Variants in CACNA1E observed in about 807,000 individuals in gnomAD.
CACNA1E encodes voltage-dependent R-type calcium channel subunit alpha-1E.
In CACNA1E, 40 loss-of-function variants were observed where a neutral mutation model predicts 259.2. That is an observed-to-expected ratio of 0.15 (90% confidence interval 0.12 to 0.20). CACNA1E has a LOEUF of 0.20. Among genes scored for constraint, CACNA1E ranks in the 10% least tolerant of loss-of-function variants. The pLI, the probability that CACNA1E is intolerant of heterozygous loss-of-function variation, is 1.00. For synonymous variants in CACNA1E, 1,104 were observed against 1,138.5 expected (o/e 0.97, Z 0.61); for missense variants, 1,874 against 3,040.1 (o/e 0.62, Z 9.02).
chr1:181,641,036 T>A (rs759993811), intron 6 of CACNA1E, among the ~76,000 whole-genome samples: 1 of 152,198 alleles, frequency 6.6e-6, no homozygotes, highest in Non-Finnish European at 1.5e-5. Context: ...TGTTCTGTTT[T>A]CTATTATAGG....
intron 6 of CACNA1E, among the ~76,000 whole-genome samples, chr1:181,590,235 G>A (rs1244160945): frequency 6.6e-6 from 1 of 151,492 alleles, no homozygotes; most frequent in Non-Finnish European, 1.5e-5. Context: ...CTCCTTTAAG[G>A]TGCCAGGTAC....
At chr1:181,321,397 A>G (rs1485676915) in intron 1 of CACNA1E, among the ~76,000 whole-genome samples, 1 of 152,216 alleles carries the variant, frequency 6.6e-6, no homozygotes, top group Non-Finnish European at 1.5e-5. Flanking sequence ...GGAAAGGCAG[A>G]GCGCATGTCA....
intron 43 of CACNA1E, among the ~76,000 whole-genome samples, chr1:181,787,645 G>A (rs73045162): frequency 0.016 from 2,392 of 152,250 alleles, 50 homozygotes; most frequent in African/African-American, 0.05. Context: ...AGACAAATCT[G>A]GAAGAAGAAA....
At chr1:181,643,436 C>G (rs1657980025) in intron 6 of CACNA1E, among the ~76,000 whole-genome samples, 1 of 152,228 alleles carries the variant, frequency 6.6e-6, no homozygotes, top group Admixed American at 6.5e-5. Flanking sequence ...GCCACGGCAG[C>G]CTTCGTAGTC....
intron 3 of CACNA1E, among the ~76,000 whole-genome samples, chr1:181,557,234 G>A (rs1254200533): frequency 6.6e-6 from 1 of 152,210 alleles, no homozygotes; most frequent in African/African-American, 2.4e-5. Context: ...AGTACCTGAC[G>A]ATGAGATTGC....
At chr1:181,718,813 T>A (rs1654168783) in intron 12 of CACNA1E, among the ~76,000 whole-genome samples, 1 of 152,068 alleles carries the variant, frequency 6.6e-6, no homozygotes, top group South Asian at 2.1e-4. Context: ...CTTACAGGAG[T>A]CCTATGAACT....
intron 7 of CACNA1E, among the ~76,000 whole-genome samples, chr1:181,663,655 G>A (rs3905013): frequency 1.3e-5 from 2 of 152,188 alleles, no homozygotes; most frequent in African/African-American, 2.4e-5. Flanking sequence ...AAAGTCAGGA[G>A]CATAATCACT....
intron 10 of CACNA1E, 106 bp downstream of exon 10, chr1:181,716,235 G>T: frequency 1.3e-5 from 6 of 463,564 alleles, no homozygotes; most frequent in Non-Finnish European, 1.9e-5. Context: ...AAAGGGTCCA[G>T]AATTTAGGAA....
chr1:181,639,736 T>A (rs186662433), intron 6 of CACNA1E, among the ~76,000 whole-genome samples: 76 of 152,350 alleles, frequency 5.0e-4, no homozygotes, highest in Non-Finnish European at 9.3e-4. Context: ...TGTTTTAATC[T>A]TGTTGTGCCC....
intron 1 of CACNA1E, among the ~76,000 whole-genome samples, chr1:181,496,550 G>A (rs1664771802): frequency 6.6e-6 from 1 of 152,114 alleles, no homozygotes; most frequent in African/African-American, 2.4e-5. Flanking sequence ...AGAAAAGATT[G>A]GAATTCATTA....
intron 7 of CACNA1E, among the ~76,000 whole-genome samples, chr1:181,684,423 A>G (rs548032377): frequency 3.5e-4 from 53 of 152,218 alleles, no homozygotes; most frequent in African/African-American, 1.2e-3. Context: ...CCCACTCTGT[A>G]GGTTGTCTGT....
intron 3 of CACNA1E, among the ~76,000 whole-genome samples, chr1:181,565,883 G>GC (rs894835010): frequency 1.8e-5 from 1 of 54,712 alleles, no homozygotes; most frequent in South Asian, 5.7e-4. Flanking sequence ...TCCTGGTCCT[G>GC]GGGGGTACCT....
intron 1 of CACNA1E, among the ~76,000 whole-genome samples, chr1:181,397,593 TG>T (rs1251326021): frequency 6.6e-6 from 1 of 152,170 alleles, no homozygotes; most frequent in Non-Finnish European, 1.5e-5. Context: ...CCACTGCGCC[TG>T]GACAGGGTGG....
intron 18 of CACNA1E, among the ~76,000 whole-genome samples, chr1:181,729,587 A>C (rs7556269): frequency 0.025 from 3,872 of 152,312 alleles, 166 homozygotes; most frequent in African/African-American, 0.088. Flanking sequence ...CTCATCTTTG[A>C]AATGAGAAGA....
chr1:181,524,082 C>T (rs149407445), intron 3 of CACNA1E, among the ~76,000 whole-genome samples: 1 of 152,322 alleles, frequency 6.6e-6, no homozygotes, highest in East Asian at 1.9e-4. Context: ...CCCCACCACC[C>T]CACACTAGTA....
chr1:181,580,112 T>G (rs1221931867), intron 5 of CACNA1E, among the ~76,000 whole-genome samples: 1 of 152,160 alleles, frequency 6.6e-6, no homozygotes, highest in Non-Finnish European at 1.5e-5. Flanking sequence ...GGATTTCTAT[T>G]TTTTATTTTT....
intron 6 of CACNA1E, among the ~76,000 whole-genome samples, chr1:181,633,070 C>T (rs1425432068): frequency 1.3e-5 from 2 of 152,112 alleles, no homozygotes; most frequent in East Asian, 1.9e-4. Flanking sequence ...AGCAGAACGT[C>T]TTTCGAAGTG....
At chr1:181,539,785 T>C (rs1668443536) in intron 3 of CACNA1E, among the ~76,000 whole-genome samples, 1 of 152,268 alleles carries the variant, frequency 6.6e-6, no homozygotes, top group South Asian at 2.1e-4. Context: ...ATAAGACTCA[T>C]GTTAAAATTC....
intron 2 of CACNA1E, among the ~76,000 whole-genome samples, chr1:181,460,626 C>T (rs1661741641): frequency 6.6e-6 from 1 of 152,190 alleles, no homozygotes; most frequent in Admixed American, 6.5e-5. Flanking sequence ...CCATGGAGTT[C>T]CCTCAGGAGG....
Sources: allele counts gnomAD v4.1 joint callset (sites outside exome capture counted in the v4.1 genomes callset), GRCh38; gene constraint gnomAD v4.1.1; transcripts MANE v1.5; gene names NCBI Gene and HGNC (gene_info 2026-07-23, HGNC 2026-07-21).